Variants in STXBP5 observed in about 807,000 individuals in gnomAD.
STXBP5 encodes the protein syntaxin-binding protein 5.
STXBP5 carries 50 observed loss-of-function variants against 152.4 expected under a neutral mutation model. The observed-to-expected ratio is 0.33, with a 90% CI of 0.26 to 0.42. The LOEUF (loss-of-function observed/expected upper bound fraction) is 0.42. STXBP5 is among the 10% of genes least tolerant of loss of function. The probability of loss-of-function intolerance (pLI) is 1.00; values close to 1 mark genes in which losing one functional copy is unlikely to be tolerated. For missense variants in STXBP5, 1,167 were observed against 1,388.6 expected (o/e 0.84, Z 2.54); for synonymous variants, 492 against 494.7 (o/e 0.99, Z 0.07).
At chr6:147,244,461 G>T (rs1778703853) in intron 4 of STXBP5, among the ~76,000 whole-genome samples, 1 of 152,096 alleles carries the variant, frequency 6.6e-6, no homozygotes, top group Non-Finnish European at 1.5e-5. Context: ...TTTTGATTTG[G>T]CTTTTTGAAA....
At chr6:147,207,790 A>C (rs1288211984) in intron 2 of STXBP5, among the ~76,000 whole-genome samples, 2 of 152,046 alleles carry the variant, frequency 1.3e-5, no homozygotes, top group East Asian at 3.9e-4. Context: ...TTTAGGTTTT[A>C]TTGTTTTCCC....
In STXBP5 at chr6:147,373,781, CAG is replaced by C; in HGVS notation, c.3133_3134del (p.Arg1045GlyfsTer4). The C allele has an allele frequency of 1.9e-6, 3 of 1,613,876 alleles. No homozygotes were observed. Among genetic ancestry groups the C allele is most frequent in the Non-Finnish European group, 2.5e-6 (3 of 1,179,860 alleles). On this transcript the variant is annotated frameshift_variant, in exon 26 of 28. Transcript: ENST00000321680. LOFTEE classifies it high-confidence loss of function. The stretch of plus-strand genomic sequence containing the variant: ...CTGTAGAAACACCTGAAGCACCAAA[CAG>C]GGGATTCTTTAAAGGCTTATTTGGA... ...TPVETPEAPN[R>X]GFFKGLFGGG...
chr6:147,370,322 T>C (rs1420365631), intron 25 of STXBP5, among the ~76,000 whole-genome samples: 1 of 152,042 alleles, frequency 6.6e-6, no homozygotes, highest in Non-Finnish European at 1.5e-5. Context: ...TTGATTGTGG[T>C]GATGGTTTCA....
At chr6:147,240,697 G>A (rs1778499058) in intron 4 of STXBP5, among the ~76,000 whole-genome samples, 1 of 152,156 alleles carries the variant, frequency 6.6e-6, no homozygotes, top group Non-Finnish European at 1.5e-5. Flanking sequence ...GGTAAGAAGT[G>A]TGAACTTAAA....
Position 147,262,342 on chromosome 6 carries a change from G to C in STXBP5, c.619G>C (p.Asp207His). ...GGTCCATATAAGTGATAATCCAATGGACGAGGGAAAGGTAGAATTTTTTGT... is the reference window on the plus strand; with the variant it reads ...GGTCCATATAAGTGATAATCCAATGCACGAGGGAAAGGTAGAATTTTTTGT... ...PVVHISDNPM[D>H]EGKLLIGFES... The change falls in exon 6 of 28, where the codon GAC (aspartate) becomes CAC (histidine). Residue 207 changes from aspartate (D) to histidine (H), a missense_variant. Physicochemically the swap from Asp to His is moderately conservative, Grantham distance 81. This residue lies in a region of STXBP5 where 310 missense variants were observed against 346.1 expected (regional missense o/e 0.90). Transcript: ENST00000321680. 1.3e-6 allele frequency: 2 copies of C among 1,563,198 alleles called. No homozygotes were observed. Among genetic ancestry groups the C allele is most frequent in the Non-Finnish European group, 1.7e-6 (2 of 1,159,604 alleles).
intron 18 of STXBP5, among the ~76,000 whole-genome samples, chr6:147,327,995 T>G (rs915826885): frequency 3.7e-4 from 56 of 152,362 alleles, no homozygotes; most frequent in African/African-American, 1.3e-3. Context: ...TTTATTTCTT[T>G]GAAAATATAC....
At chr6:147,278,857 T>G (rs2128342098) in intron 8 of STXBP5, among the ~76,000 whole-genome samples, 1 of 152,166 alleles carries the variant, frequency 6.6e-6, no homozygotes, top group South Asian at 2.1e-4. Context: ...TAACAAGGAG[T>G]TGTTACCACA....
chr6:147,330,148 A>G (rs1336050763), intron 18 of STXBP5, among the ~76,000 whole-genome samples: 1 of 152,202 alleles, frequency 6.6e-6, no homozygotes, highest in Non-Finnish European at 1.5e-5. Context: ...TCACAAGGAC[A>G]AACAGTAATG....
intron 8 of STXBP5, among the ~76,000 whole-genome samples, chr6:147,289,135 AAATG>A (rs1781145456): frequency 6.6e-6 from 1 of 152,170 alleles, no homozygotes; most frequent in South Asian, 2.1e-4. Context: ...GACCATCAGG[AAATG>A]GGTTCTCCCT....
chr6:147,204,449 C>G lies in STXBP5; in HGVS notation c.-84C>G. The G allele has an allele frequency of 7.1e-7, 1 of 1,414,286 alleles. No individual in the cohort carries two copies. The highest frequency in any genetic ancestry group is 1.4e-5 in the African/African-American group (1 of 69,540). The allele number at this position is 1,414,286 out of a possible 1,614,324, so 87.6% of individuals were successfully genotyped here. Reference sequence around the variant, plus strand: ...CACTCCTCCGTTTCCGCGGTCGAAGCTGCCTTCGGCCCCGGGTGGTCTCCC... The same window carrying G: ...CACTCCTCCGTTTCCGCGGTCGAAGGTGCCTTCGGCCCCGGGTGGTCTCCC... On this transcript the variant is annotated 5_prime_UTR_variant, in exon 1 of 28. Transcript: ENST00000321680. This position sits in a 1 kb window ranked among gnomAD's most constrained non-coding sequence, Gnocchi z 4.3.
chr6:147,239,023 A>G, intron 3 of STXBP5, 147 bp from the exon 4 acceptor site: 1 of 641,432 alleles, frequency 1.6e-6, no homozygotes, highest in Non-Finnish European at 2.6e-6. Context: ...GCTGTTTTGA[A>G]TTTGAATGAG....
chr6:147,215,969 T>G (rs913299664), intron 2 of STXBP5, among the ~76,000 whole-genome samples: 3 of 152,202 alleles, frequency 2.0e-5, no homozygotes, highest in Non-Finnish European at 4.4e-5. Context: ...TAGGTACATT[T>G]AGATAGATGC....
chr6:147,367,277 T>C (rs923522097), intron 25 of STXBP5, among the ~76,000 whole-genome samples: 36 of 152,312 alleles, frequency 2.4e-4, no homozygotes, highest in Middle Eastern at 3.4e-3. Context: ...GGCAAACTTA[T>C]AGCACTAAAA....
intron 25 of STXBP5, among the ~76,000 whole-genome samples, chr6:147,369,062 A>G (rs1562273259): frequency 2.0e-5 from 3 of 152,078 alleles, no homozygotes; most frequent in Non-Finnish European, 2.9e-5. Flanking sequence ...GGAAGGGCTA[A>G]CACTACCTTA....
chr6:147,346,867 G>T (rs977616014), intron 21 of STXBP5, among the ~76,000 whole-genome samples: 1 of 152,176 alleles, frequency 6.6e-6, no homozygotes, highest in Non-Finnish European at 1.5e-5. Flanking sequence ...GCATTGAACA[G>T]CAGGCTTTCC....
chr6:147,384,672 C>T (rs374788315), intron 27 of STXBP5, 42 bp from the exon 28 acceptor site: 110 of 1,572,572 alleles, frequency 7.0e-5, no homozygotes, highest in Admixed American at 2.2e-4. Flanking sequence ...GTTATTGTTC[C>T]GGCATTTTAA....
At chr6:147,219,212 AAAATGTTTTCT>A (rs1386407165) in intron 2 of STXBP5, among the ~76,000 whole-genome samples, 1 of 152,270 alleles carries the variant, frequency 6.6e-6, no homozygotes, top group South Asian at 2.1e-4. Context: ...TTTTTTTAGA[AAAATGTTTTCT>A]AAATGTTTTC....
chr6:147,347,822 A>C (rs1005753019), intron 21 of STXBP5, among the ~76,000 whole-genome samples: 1 of 152,206 alleles, frequency 6.6e-6, no homozygotes, highest in South Asian at 2.1e-4. Flanking sequence ...AAGGAAAAGC[A>C]AATGTTTATT....
At chr6:147,264,290 C>CTAA (rs1166805680) in intron 6 of STXBP5, among the ~76,000 whole-genome samples, 2 of 151,988 alleles carry the variant, frequency 1.3e-5, no homozygotes, top group Non-Finnish European at 2.9e-5. Context: ...GAAGGTTAGA[C>CTAA]ATTAGATAGG....
Sources: allele counts gnomAD v4.1 joint callset (sites outside exome capture counted in the v4.1 genomes callset), GRCh38; gene constraint gnomAD v4.1.1; regional missense constraint gnomAD v4.1.1; non-coding constraint Gnocchi (gnomAD v3.1); transcripts MANE v1.5; gene names NCBI Gene and HGNC (gene_info 2026-07-23, HGNC 2026-07-21).